The following RASGEF1C variants were observed in gnomAD, a reference collection of about 807,000 sequenced individuals.
RASGEF1C encodes ras-GEF domain-containing family member 1C.
RASGEF1C carries 27 observed loss-of-function variants against 58.1 expected under a neutral mutation model. That is an observed-to-expected ratio of 0.46 (90% confidence interval 0.34 to 0.64). RASGEF1C has a LOEUF of 0.64. Ranked by LOEUF, RASGEF1C falls within the 30% of genes least tolerant of loss-of-function variation. The probability of loss-of-function intolerance (pLI) is 0.01; values close to 1 mark genes in which losing one functional copy is unlikely to be tolerated. For missense variants in RASGEF1C, 502 were observed against 605.1 expected (o/e 0.83, Z 1.79); for synonymous variants, 243 against 246.3 (o/e 0.99, Z 0.13).
intron 6 of RASGEF1C, among the ~76,000 whole-genome samples, chr5:180,124,355 C>CAA (rs1766222261): frequency 6.6e-6 from 1 of 152,030 alleles, no homozygotes; most frequent in African/African-American, 2.4e-5. Flanking sequence ...GTAAGAGAAA[C>CAA]AAAGACTACA....
rs767268071 is a variant in RASGEF1C at position 180,114,474 on chromosome 5, C to T, written c.1151G>A (p.Arg384His). ...AAAGTTGACGTGTCCATTGGGAAGG[C>T]GGTTGGCGCAGCCCTCATTCAGGAA... ...IYFLNEGCAN[R>H]LPNGHVNFEK... The change falls in exon 11 of 14, where the codon CGC becomes CAC. Residue 384 changes from arginine to histidine, a missense_variant. Transcript: ENST00000361132. 14 of 1,612,570 alleles carry T rather than the reference C, an allele frequency of 8.7e-6. No homozygotes were observed. The highest frequency in any genetic ancestry group is 4.0e-5 in the African/African-American group (3 of 74,890).
chr5:180,146,422 G>A (rs1242964748), intron 1 of RASGEF1C, among the ~76,000 whole-genome samples: 1 of 152,170 alleles, frequency 6.6e-6, no homozygotes, highest in Non-Finnish European at 1.5e-5. Context: ...ACAGGCATGA[G>A]CCACTGTGCT....
Position 180,138,015 on chromosome 5 carries a change from G to T in RASGEF1C, c.38C>A (p.Pro13Gln). 3.2e-6 allele frequency: 5 copies of T among 1,557,388 alleles called. No individual in the cohort carries two copies. Among genetic ancestry groups the T allele is most frequent in the Non-Finnish European group, 4.3e-6 (5 of 1,159,746 alleles). ...GGTGGGGGGTGGGCTGAGGCTGCCTGGGGTGACCATGTCGGAGGCACTCAG... is the reference window on the plus strand; with the variant it reads ...GGTGGGGGGTGGGCTGAGGCTGCCTTGGGTGACCATGTCGGAGGCACTCAG... Reference protein sequence around the residue: ...QTLSASDMVTPGSLSPPPTEP... With the variant: ...QTLSASDMVTQGSLSPPPTEP... Residue 13 changes from proline to glutamine, a missense_variant, in exon 2 of 14, where the codon CCA becomes CAA. Physicochemically the swap from Pro to Gln is moderately conservative, Grantham distance 76 (BLOSUM62 -1). Coordinates refer to ENST00000361132, the MANE Select transcript of RASGEF1C (RefSeq NM_175062.4).
intron 6 of RASGEF1C, among the ~76,000 whole-genome samples, chr5:180,126,422 TCTCC>T (rs1766263574): frequency 6.6e-6 from 1 of 150,968 alleles, no homozygotes; most frequent in Non-Finnish European, 1.5e-5. Flanking sequence ...AGAAAAAAAA[TCTCC>T]CTCCCGTTCC....
At chr5:180,102,869 TAGCAA>T (rs1275869327) in intron 12 of RASGEF1C, among the ~76,000 whole-genome samples, 1 of 152,226 alleles carries the variant, frequency 6.6e-6, no homozygotes, top group Non-Finnish European at 1.5e-5. Context: ...AAGATTGTTT[TAGCAA>T]TTCTAGTTCC....
At chr5:180,136,821 G>A in intron 3 of RASGEF1C, 6 of 418,382 alleles carry the variant, frequency 1.4e-5, no homozygotes, top group Non-Finnish European at 2.6e-5. Flanking sequence ...TGCCCCAGGG[G>A]TGGGTCTAGG....
intron 6 of RASGEF1C, among the ~76,000 whole-genome samples, chr5:180,125,744 T>G (rs543171562): frequency 2.6e-5 from 4 of 151,856 alleles, no homozygotes; most frequent in African/African-American, 7.2e-5. Context: ...ATCGCACCAC[T>G]GCACTCCAGC....
intron 1 of RASGEF1C, among the ~76,000 whole-genome samples, chr5:180,195,032 G>C (rs940513089): frequency 6.6e-6 from 1 of 152,224 alleles, no homozygotes; most frequent in Non-Finnish European, 1.5e-5. Flanking sequence ...CTGCAGGATG[G>C]CGACCAGGGC....
intron 11 of RASGEF1C, among the ~76,000 whole-genome samples, chr5:180,112,949 ATGGACGGAGGGACCG>A (rs1765985097): frequency 7.1e-6 from 1 of 141,498 alleles, no homozygotes; most frequent in African/African-American, 2.7e-5. Flanking sequence ...GGGACCGGGG[ATGGACGGAGGGACCG>A]GGGATGGACG....
Position 180,101,443 on chromosome 5 carries a change from AG to A in RASGEF1C, c.*57del. 6.3e-7 allele frequency: 1 copy of A among 1,599,112 alleles called. No individual in the cohort carries two copies. ...CCTCTGCCCACTGGGCCACTGAGGC[AG>A]GGCTGTGGACGGCTTCTGCGGGCTC... is the stretch of plus-strand genomic sequence containing the variant. On this transcript the variant is annotated 3_prime_UTR_variant, in exon 14 of 14. Transcript: ENST00000361132.
intron 1 of RASGEF1C, among the ~76,000 whole-genome samples, chr5:180,178,787 G>A (rs1194596790): frequency 1.3e-5 from 2 of 152,120 alleles, no homozygotes; most frequent in East Asian, 3.9e-4. Context: ...GAGACCCCGG[G>A]GCGTCACTTT....
intron 1 of RASGEF1C, among the ~76,000 whole-genome samples, chr5:180,147,449 C>A (rs1238613517): frequency 6.6e-6 from 1 of 151,834 alleles, no homozygotes; most frequent in Non-Finnish European, 1.5e-5. Flanking sequence ...TATAAATTTT[C>A]CATTAAGGAC....
intron 1 of RASGEF1C, among the ~76,000 whole-genome samples, chr5:180,184,069 C>T (rs1755983326): frequency 6.6e-6 from 1 of 151,596 alleles, no homozygotes; most frequent in Non-Finnish European, 1.5e-5. Context: ...GAGGCTGAGG[C>T]ACAAGAATCA....
In RASGEF1C at chr5:180,103,935, T is replaced by C. The variant is rs1397742380; in HGVS notation, c.1304-1792A>G. 5.9e-5 allele frequency among the ~76,000 whole-genome samples: 9 copies of C among 152,218 alleles called. No individual in the cohort carries two copies. In the East Asian group the frequency reaches 1.7e-3, roughly 29 times the overall value. On this transcript the variant is annotated intron_variant, in intron 12 of 13. Coordinates refer to ENST00000361132, the MANE Select transcript of RASGEF1C (RefSeq NM_175062.4). Reference sequence around the variant, plus strand: ...TTTTCTGCATTGATTAATATAATCATGTGTCTTTTCTTCTTTAGCTGTTTA... The same window carrying C: ...TTTTCTGCATTGATTAATATAATCACGTGTCTTTTCTTCTTTAGCTGTTTA...
rs538481311 is a variant in RASGEF1C, at chr5:180,168,164, C to T, written c.-6-30106G>A. 2.0e-5 allele frequency among the ~76,000 whole-genome samples: 3 copies of T among 152,330 alleles called. No homozygotes were observed. The South Asian group carries it at 6.2e-4, about 32-fold the overall frequency. Reference sequence around the variant, plus strand: ...ACAAAAAAAAGGCCAGGCGCAGTGGCTCACACCTGTAATCCCAGCACTTTG... The same window carrying T: ...ACAAAAAAAAGGCCAGGCGCAGTGGTTCACACCTGTAATCCCAGCACTTTG... On this transcript the variant is annotated intron_variant, in intron 1 of 13. Coordinates refer to ENST00000361132, the MANE Select transcript of RASGEF1C (RefSeq NM_175062.4). The surrounding 1 kb of genome is among the most constrained non-coding windows in gnomAD (Gnocchi z 6.0).
chr5:180,187,482 T>C (rs771004513), intron 1 of RASGEF1C, among the ~76,000 whole-genome samples: 1 of 151,882 alleles, frequency 6.6e-6, no homozygotes, highest in Non-Finnish European at 1.5e-5. Context: ...AACTACAAAA[T>C]GGGAGAAAAA....
At chr5:180,195,746 C>T (rs1347739209) in intron 1 of RASGEF1C, among the ~76,000 whole-genome samples, 1 of 149,960 alleles carries the variant, frequency 6.7e-6, no homozygotes, top group Admixed American at 6.7e-5. Flanking sequence ...GCCTGGGCGA[C>T]AGAGCGAGAC....
intron 1 of RASGEF1C, among the ~76,000 whole-genome samples, chr5:180,183,428 A>G (rs1755948235): frequency 6.6e-6 from 1 of 152,104 alleles, no homozygotes; most frequent in African/African-American, 2.4e-5. Context: ...GATATAGCTT[A>G]AAAAATCAAC....
chr5:180,193,208 A>G (rs1389935162), intron 1 of RASGEF1C, among the ~76,000 whole-genome samples: 2 of 114,688 alleles, frequency 1.7e-5, no homozygotes, highest in African/African-American at 5.5e-5. Flanking sequence ...GGTGCCCGCC[A>G]CCGCACCCGG....
Sources: gnomAD v4.1 joint callset for allele counts (sites outside exome capture counted in the v4.1 genomes callset) on GRCh38, gnomAD v4.1.1 for gene constraint, Gnocchi (gnomAD v3.1) non-coding constraint, MANE v1.5 for transcripts, NCBI Gene and HGNC (gene_info 2026-07-23, HGNC 2026-07-21) for gene names.